Variants in IFNAR2 observed in about 807,000 individuals in gnomAD.
The protein encoded by IFNAR2 is interferon alpha and beta receptor subunit 2, also known as interferon alpha/beta receptor 2.
Under a neutral mutation model 49.4 loss-of-function variants are expected in IFNAR2, and 30 were observed. That is an observed-to-expected ratio of 0.61 (90% confidence interval 0.45 to 0.82). The LOEUF is 0.82. Ranked by LOEUF, IFNAR2 falls within the 40% of genes least tolerant of loss-of-function variation. The pLI is 0.00. For synonymous variants in IFNAR2, 224 were observed against 234.5 expected (o/e 0.96, Z 0.41); for missense variants, 600 against 622.7 (o/e 0.96, Z 0.39).
chr21:33,251,041 TAG>T (rs1987800980), intron 6 of IFNAR2, among the ~76,000 whole-genome samples: 1 of 151,998 alleles, frequency 6.6e-6, no homozygotes, highest in Admixed American at 6.6e-5. Context: ...AACCCGCAGC[TAG>T]AGAGAGAGCC....
rs149040664 is a variant in IFNAR2 at position 33,263,267 on chromosome 21, G to A, written c.1315G>A (p.Asp439Asn). 1.3e-4 allele frequency: 203 copies of A among 1,614,058 alleles called. No individual in the cohort carries two copies. The highest frequency in any genetic ancestry group is 1.9e-4 in the South Asian group (17 of 91,086). Residue 439 changes from aspartate to asparagine, a missense_variant, in exon 9 of 9, where the codon GAC (aspartate) becomes AAC (asparagine). Coordinates refer to ENST00000342136, the MANE Select transcript of IFNAR2 (RefSeq NM_001289125.3). ...SVFLRVLDDE[D>N]SDDLEAPLML... Reference sequence around the variant, plus strand: ...GTTTTTGAGAGTTCTTGATGACGAGGACAGTGACGACTTAGAAGCCCCTCT... The same window carrying A: ...GTTTTTGAGAGTTCTTGATGACGAGAACAGTGACGACTTAGAAGCCCCTCT...
chr21:33,255,568 A>G (rs1988154052), intron 7 of IFNAR2, among the ~76,000 whole-genome samples: 1 of 138,078 alleles, frequency 7.2e-6, no homozygotes, highest in East Asian at 2.1e-4. Flanking sequence ...AAGGGTCCCA[A>G]GTGCAGGAGC....
At chr21:33,237,342 G>A (rs1986556118) in intron 1 of IFNAR2, among the ~76,000 whole-genome samples, 1 of 151,624 alleles carries the variant, frequency 6.6e-6, no homozygotes, top group Non-Finnish European at 1.5e-5. Flanking sequence ...GACCAGCCTG[G>A]ACAACATAGC....
intron 8 of IFNAR2, chr21:33,262,580 G>C (rs764481571): frequency 2.7e-6 from 2 of 727,898 alleles, no homozygotes; most frequent in Non-Finnish European, 4.9e-6. Context: ...CTCGCTAAGG[G>C]CTGGAATGCA....
intron 7 of IFNAR2, among the ~76,000 whole-genome samples, chr21:33,253,695 A>G (rs1403013794): frequency 6.6e-6 from 1 of 152,168 alleles, no homozygotes; most frequent in Non-Finnish European, 1.5e-5. Context: ...GCCCATTTTT[A>G]TGATTATTTC....
intron 1 of IFNAR2, chr21:33,234,828 A>G: frequency 1.3e-6 from 1 of 789,188 alleles, no homozygotes; most frequent in Middle Eastern, 6.4e-4. Context: ...GCAAGCTGAC[A>G]GAATTAAGTG....
Position 33,263,466 on chromosome 21 carries a change from A to G in IFNAR2, c.1514A>G (p.Asp505Gly), listed in dbSNP as rs1262545329. 6.2e-7 allele frequency: 1 copy of G among 1,613,124 alleles called. No homozygotes were observed. The highest frequency in any genetic ancestry group is 8.5e-7 in the Non-Finnish European group (1 of 1,179,498). ...GATCAAAGTGACACTTCTGAGTCAG[A>G]TGTTGACCTTGGGGATGGTTATATA... ...PSDQSDTSES[D>G]VDLGDGYIMR Residue 505 changes from aspartate (D) to glycine (G), a missense_variant, in exon 9 of 9, where the codon GAT becomes GGT. By Grantham distance (94) the Asp-to-Gly change is moderately conservative (BLOSUM62 -1). Transcript: ENST00000342136.
Position 33,230,581 on chromosome 21 carries a change from G to T in IFNAR2, c.-84+365G>T, listed in dbSNP as rs1224014446. ...ATGTGAGTCGTTGCTAAGTTTGAGG[G>T]TCACATTCCTCCAGGTCCACCCCGC... On this transcript the variant is annotated intron_variant, in intron 1 of 8. Coordinates refer to ENST00000342136, the MANE Select transcript of IFNAR2 (RefSeq NM_001289125.3). The surrounding 1 kb of genome is among the most constrained non-coding windows in gnomAD (Gnocchi z 5.5). 5 of 470,742 alleles carry T rather than the reference G, an allele frequency of 1.1e-5. No homozygotes were observed. In the East Asian group the frequency reaches 3.5e-4, roughly 33 times the overall value. 29.2% of individuals were successfully genotyped at this position (470,742 alleles called of 1,614,324 possible). A position where few individuals can be genotyped will look rare whatever the true frequency, so the allele number is the denominator to read the frequency against.
Position 33,252,764 on chromosome 21 carries a change from A to C in IFNAR2, c.643A>C (p.Ser215Arg), listed in dbSNP as rs747605798. The change falls in exon 7 of 9, where the codon AGT becomes CGT. Residue 215 changes from serine (S) to arginine (R), a missense_variant. By Grantham distance (110) the Ser-to-Arg change is moderately radical. Coordinates refer to ENST00000342136, the MANE Select transcript of IFNAR2 (RefSeq NM_001289125.3). ...NYCVSVYLEH[S>R]DEQAVIKSPL... Reference sequence around the variant, plus strand: ...CTGTGTATCTGTTTATTTAGAGCACAGTGATGAGCAAGCAGTAATAAAGTC... The same window carrying C: ...CTGTGTATCTGTTTATTTAGAGCACCGTGATGAGCAAGCAGTAATAAAGTC... 6.2e-7 allele frequency: 1 copy of C among 1,613,920 alleles called. No homozygotes were observed. Among genetic ancestry groups the C allele is most frequent in the East Asian group, 2.2e-5 (1 of 44,882 alleles).
intron 1 of IFNAR2, among the ~76,000 whole-genome samples, chr21:33,236,396 A>C (rs1215849738): frequency 5.3e-5 from 8 of 152,140 alleles, no homozygotes; most frequent in African/African-American, 1.9e-4. Flanking sequence ...CTACCATCCT[A>C]ACCCACAGTG....
At chr21:33,235,512 G>C (rs1161128761) in intron 1 of IFNAR2, among the ~76,000 whole-genome samples, 1 of 152,180 alleles carries the variant, frequency 6.6e-6, no homozygotes, top group Non-Finnish European at 1.5e-5. Context: ...GGCCCACCCA[G>C]AGCCAAATAA....
chr21:33,246,994 C>A, intron 5 of IFNAR2, 104 bp downstream of exon 5: 1 of 888,028 alleles, frequency 1.1e-6, no homozygotes, highest in Non-Finnish European at 1.7e-6. Flanking sequence ...AGACCTGGGG[C>A]TGGGCTCACC....
At chr21:33,248,604 A>T (rs888224927) in intron 5 of IFNAR2, 105 bp from the exon 6 acceptor site, 1 of 1,010,770 alleles carries the variant, frequency 9.9e-7, no homozygotes, top group Non-Finnish European at 1.4e-6. Context: ...GTAAATCAGG[A>T]CTTGGCAGAT....
At chr21:33,238,039 C>A (rs1258384180) in intron 1 of IFNAR2, among the ~76,000 whole-genome samples, 1 of 152,114 alleles carries the variant, frequency 6.6e-6, no homozygotes, top group Non-Finnish European at 1.5e-5. Context: ...GGACATACGA[C>A]CCTCCTGCAC....
At position 33,248,909 on chromosome 21, in the gene IFNAR2, C is replaced by G. The variant is rs982498658; in HGVS notation, c.540+55C>G. The G allele has an allele frequency of 9.7e-6, 12 of 1,234,326 alleles. No individual in the cohort carries two copies. The African/African-American group carries it at 1.7e-4, about 18-fold the overall frequency. 76.5% of individuals were successfully genotyped at this position (1,234,326 alleles called of 1,614,324 possible). A position where few individuals can be genotyped will look rare whatever the true frequency, so the allele number is the denominator to read the frequency against. ...CAGTTCTGAGTGGGCAATCAATGCA[C>G]TTGACTGTCTCTTTTGAAAGGAAAT... On this transcript the variant is annotated intron_variant, in intron 6 of 8. Coordinates refer to ENST00000342136, the MANE Select transcript of IFNAR2 (RefSeq NM_001289125.3).
intron 5 of IFNAR2, among the ~76,000 whole-genome samples, chr21:33,248,046 T>A (rs1045649898): frequency 1.3e-5 from 2 of 152,250 alleles, no homozygotes; most frequent in Non-Finnish European, 2.9e-5. Flanking sequence ...CAGTGAGATA[T>A]GTTTCATGGC....
rs778657924 is a variant in IFNAR2, at chr21:33,244,989, C to T, written c.136C>T (p.Arg46Ter). The T allele has an allele frequency of 2.6e-5, 42 of 1,611,390 alleles. No homozygotes were observed. The highest frequency in any genetic ancestry group is 6.7e-5 in the African/African-American group (5 of 74,810). Residue 46 changes from arginine to a stop codon, truncating the protein, a stop_gained, in exon 4 of 9, where the codon CGA becomes TGA. Transcript: ENST00000342136. LOFTEE classifies it high-confidence loss of function. Reference sequence around the variant, plus strand: ...ATCTTGCACTTTCAAGATATCATTGCGAAATTTCCGGTCCATCTTATCATG... The same window carrying T: ...ATCTTGCACTTTCAAGATATCATTGTGAAATTTCCGGTCCATCTTATCATG... ...DESCTFKISLRNFRSILSWEL... is the reference protein window; with the variant it reads ...DESCTFKISL
chr21:33,243,183 A>C (rs12482301), intron 2 of IFNAR2, among the ~76,000 whole-genome samples: 3,688 of 151,576 alleles, frequency 0.024, 60 homozygotes, highest in South Asian at 0.056. Flanking sequence ...CCTGGGTTCG[A>C]GCTATTCTCC....
intron 7 of IFNAR2, among the ~76,000 whole-genome samples, chr21:33,258,055 A>G (rs1003545963): frequency 6.6e-6 from 1 of 152,186 alleles, no homozygotes; most frequent in Non-Finnish European, 1.5e-5. Flanking sequence ...CTGTAATTCC[A>G]GCACTTTGGG....
Sources: gnomAD v4.1 joint callset for allele counts (sites outside exome capture counted in the v4.1 genomes callset) on GRCh38, gnomAD v4.1.1 for gene constraint, Gnocchi (gnomAD v3.1) non-coding constraint, MANE v1.5 for transcripts, NCBI Gene and HGNC (gene_info 2026-07-23, HGNC 2026-07-21) for gene names.